The following BABAM2 variants were observed in gnomAD, a reference collection of about 807,000 sequenced individuals.
BABAM2 encodes the protein BRISC and BRCA1-A complex member 2.
BABAM2 carries 31 observed loss-of-function variants against 54.7 expected under a neutral mutation model. The ratio of observed to expected loss-of-function variants is 0.57; its 90% confidence interval spans 0.43 to 0.77. BABAM2 has a LOEUF of 0.77. Among genes scored for constraint, BABAM2 ranks in the 30% least tolerant of loss-of-function variants. BABAM2 has a pLI of 0.00. For missense variants in BABAM2, 364 were observed against 455.8 expected (o/e 0.80, Z 1.83); for synonymous variants, 167 against 162.9 (o/e 1.03, Z -0.19).
intron 7 of BABAM2, among the ~76,000 whole-genome samples, chr2:28,210,734 A>G (rs1362489571): frequency 1.3e-5 from 2 of 152,256 alleles, no homozygotes; most frequent in East Asian, 3.8e-4. Flanking sequence ...TAGGTGTTCC[A>G]TGAAACTGAA....
chr2:28,256,609 A>C (rs1258861441), intron 10 of BABAM2, among the ~76,000 whole-genome samples: 1 of 152,028 alleles, frequency 6.6e-6, no homozygotes, highest in Admixed American at 6.6e-5. Flanking sequence ...AAGGTCATGC[A>C]TGATATTAGT....
At chr2:28,250,068 A>G (rs1174677630) in intron 10 of BABAM2, among the ~76,000 whole-genome samples, 1 of 152,182 alleles carries the variant, frequency 6.6e-6, no homozygotes, top group East Asian at 1.9e-4. Context: ...TAAGAAGGAG[A>G]TGCTGTGAGG....
intron 4 of BABAM2, among the ~76,000 whole-genome samples, chr2:28,005,058 G>A (rs1281017326): frequency 6.6e-6 from 1 of 152,014 alleles, no homozygotes; most frequent in Admixed American, 6.6e-5. Context: ...TCCAAATTCA[G>A]TAAATCTATA....
At chr2:27,931,857 A>G (rs954214459) in intron 3 of BABAM2, among the ~76,000 whole-genome samples, 6 of 151,408 alleles carry the variant, frequency 4.0e-5, no homozygotes, top group Non-Finnish European at 8.8e-5. Context: ...CCTTCCTTCA[A>G]TTCCTCTTCC....
intron 7 of BABAM2, among the ~76,000 whole-genome samples, chr2:28,139,591 T>TA (rs923331494): frequency 2.0e-5 from 3 of 151,846 alleles, no homozygotes; most frequent in African/African-American, 4.8e-5. Flanking sequence ...AAATAAAAAA[T>TA]AAAAAAAATT....
At chr2:27,981,765 G>C (rs1042023631) in intron 3 of BABAM2, among the ~76,000 whole-genome samples, 2 of 152,024 alleles carry the variant, frequency 1.3e-5, no homozygotes, top group Non-Finnish European at 1.5e-5. Context: ...ATCAGTTGAC[G>C]GACATTAGTT....
At chr2:28,216,519 A>C (rs1241222200) in intron 7 of BABAM2, among the ~76,000 whole-genome samples, 2 of 151,920 alleles carry the variant, frequency 1.3e-5, no homozygotes, top group Admixed American at 6.6e-5. Context: ...TGCCATGACA[A>C]CTCTGTTTTC....
chr2:28,061,207 C>T (rs1032817229), intron 6 of BABAM2, among the ~76,000 whole-genome samples: 1 of 151,882 alleles, frequency 6.6e-6, no homozygotes, highest in African/African-American at 2.4e-5. Context: ...TGATTTTTGA[C>T]CCAGGTGCAA....
intron 3 of BABAM2, among the ~76,000 whole-genome samples, chr2:27,933,497 A>G (rs1396089623): frequency 1.3e-5 from 2 of 151,776 alleles, no homozygotes; most frequent in Admixed American, 1.3e-4. Context: ...ATATGTATAT[A>G]TATAACATAC....
At chr2:28,244,685 C>A in intron 9 of BABAM2, 95 bp from the exon 10 acceptor site, 1 of 1,185,830 alleles carries the variant, frequency 8.4e-7, no homozygotes, top group Non-Finnish European at 1.2e-6. Context: ...ATAACCCTGA[C>A]TTCACGAATA....
chr2:28,225,835 G>T (rs1240956286), intron 7 of BABAM2, among the ~76,000 whole-genome samples: 1 of 151,916 alleles, frequency 6.6e-6, no homozygotes, highest in African/African-American at 2.4e-5. Flanking sequence ...CTTCTAAGAA[G>T]TTTGACCAAA....
Position 28,197,572 on chromosome 2 carries a change from G to T in BABAM2, c.681-39630G>T, listed in dbSNP as rs551215189. 6.3e-4 allele frequency among the ~76,000 whole-genome samples: 96 copies of T among 152,220 alleles called. 1 individual carries two copies. The highest frequency in any genetic ancestry group is 2.2e-3 in the African/African-American group (91 of 41,516). On this transcript the variant is annotated intron_variant, in intron 7 of 11. Coordinates refer to ENST00000379624, the MANE Select transcript of BABAM2 (RefSeq NM_199191.3). ...ATGAGAAATGGAAATGAAGTAAAAG[G>T]GATGAGATAGATAAATTGCTGTTTT...
intron 7 of BABAM2, among the ~76,000 whole-genome samples, chr2:28,131,837 G>A (rs755237664): frequency 2.6e-5 from 4 of 152,146 alleles, no homozygotes; most frequent in South Asian, 2.1e-4. Flanking sequence ...AAATTACAAA[G>A]GTGCTTTGGT....
chr2:27,953,443 A>C (rs556161567), intron 3 of BABAM2, among the ~76,000 whole-genome samples: 1 of 152,066 alleles, frequency 6.6e-6, no homozygotes, highest in Non-Finnish European at 1.5e-5. Context: ...TTGGCCTACC[A>C]CAGTGCTGGG....
In BABAM2 at chr2:27,918,626, TG is replaced by T. The variant is rs553529570; in HGVS notation, c.129-11204del. ...GATCATCTGATCTATTCTAGGTTCT[TG>T]GCATTCCATTTGTATTTTAGAATCT... is the stretch of plus-strand genomic sequence containing the variant. On this transcript the variant is annotated intron_variant, in intron 2 of 11. Transcript: ENST00000379624. 1.2e-4 allele frequency among the ~76,000 whole-genome samples: 19 copies of T among 152,346 alleles called. No individual in the cohort carries two copies. In the East Asian group the frequency reaches 3.7e-3, roughly 29 times the overall value.
At chr2:28,072,406 G>A (rs1394019067) in intron 6 of BABAM2, among the ~76,000 whole-genome samples, 2 of 144,702 alleles carry the variant, frequency 1.4e-5, no homozygotes, top group African/African-American at 5.1e-5. Context: ...TTTTTTTTGA[G>A]GCGGAGTCTC....
At chr2:28,026,899 TATATATAAATATA>T (rs1282038389) in intron 5 of BABAM2, among the ~76,000 whole-genome samples, 3 of 51,020 alleles carry the variant, frequency 5.9e-5, no homozygotes, top group Non-Finnish European at 1.1e-4. Context: ...TATATATAAA[TATATATAAATATA>T]TATTAATATA....
chr2:28,238,141 C>T (rs577081889), intron 8 of BABAM2, among the ~76,000 whole-genome samples: 3 of 152,252 alleles, frequency 2.0e-5, no homozygotes, highest in African/African-American at 4.8e-5. Flanking sequence ...TGAGCCACCG[C>T]GCCCAGCCAG....
intron 6 of BABAM2, among the ~76,000 whole-genome samples, chr2:28,126,839 T>TGTGAGA (rs1669589097): frequency 6.7e-6 from 1 of 148,688 alleles, no homozygotes; most frequent in African/African-American, 2.5e-5. Flanking sequence ...GCCATTCTAA[T>TGTGAGA]TGGTGTGAGA....
Sources: allele counts gnomAD v4.1 joint callset (sites outside exome capture counted in the v4.1 genomes callset), GRCh38; gene constraint gnomAD v4.1.1; transcripts MANE v1.5; gene names NCBI Gene and HGNC (gene_info 2026-07-23, HGNC 2026-07-21).